The following NME7 variants were observed in gnomAD, a reference collection of about 807,000 sequenced individuals.
NME7 encodes NME/NM23 family member 7.
Under a neutral mutation model 49.1 loss-of-function variants are expected in NME7, and 41 were observed. The observed-to-expected ratio is 0.83, with a 90% CI of 0.65 to 1.08. NME7 has a LOEUF of 1.08. Ranked by LOEUF, NME7 falls within the 50% of genes least tolerant of loss-of-function variation. The probability of loss-of-function intolerance (pLI) is 0.00; values close to 1 mark genes in which losing one functional copy is unlikely to be tolerated. For synonymous variants in NME7, 139 were observed against 150.6 expected (o/e 0.92, Z 0.56); for missense variants, 423 against 463.4 (o/e 0.91, Z 0.80).
intron 7 of NME7, among the ~76,000 whole-genome samples, chr1:169,279,381 C>A (rs550214610): frequency 6.6e-6 from 1 of 152,226 alleles, no homozygotes; most frequent in South Asian, 2.1e-4. Flanking sequence ...CCTAAGCAAG[C>A]CTGGGCAATG....
intron 11 of NME7, among the ~76,000 whole-genome samples, chr1:169,167,333 C>A (rs986434623): frequency 2.2e-4 from 34 of 151,964 alleles, no homozygotes; most frequent in African/African-American, 7.7e-4. Flanking sequence ...TTTCTATGTA[C>A]AACTTCCAGG....
intron 10 of NME7, among the ~76,000 whole-genome samples, chr1:169,207,214 CCAGGCT>C (rs1660697405): frequency 1.3e-5 from 2 of 151,952 alleles, no homozygotes; most frequent in African/African-American, 4.8e-5. Context: ...GGGAACGATG[CCAGGCT>C]CTTTTTAACA....
chr1:169,356,311 G>T (rs936840232), intron 1 of NME7, among the ~76,000 whole-genome samples: 2 of 152,112 alleles, frequency 1.3e-5, no homozygotes, highest in African/African-American at 4.8e-5. Flanking sequence ...GCTTTTGTCA[G>T]GTGCTAAAGT....
chr1:169,278,534 C>A (rs1306202531), intron 7 of NME7, among the ~76,000 whole-genome samples: 1 of 152,288 alleles, frequency 6.6e-6, no homozygotes, highest in East Asian at 1.9e-4. Context: ...GCTTTCAGCT[C>A]CATCAGCTCC....
At chr1:169,189,474 T>C (rs1453520515) in intron 10 of NME7, among the ~76,000 whole-genome samples, 1 of 152,174 alleles carries the variant, frequency 6.6e-6, no homozygotes, top group Non-Finnish European at 1.5e-5. Flanking sequence ...AATTCATTTA[T>C]TTTAAAAATA....
chr1:169,133,352 C>T (rs756677533), intron 11 of NME7, among the ~76,000 whole-genome samples: 6 of 152,180 alleles, frequency 3.9e-5, no homozygotes, highest in African/African-American at 7.2e-5. Flanking sequence ...ATTTCTGAAA[C>T]GGAAACCTTT....
rs1658411419 is a variant in NME7 at position 169,135,823 on chromosome 1, AT to A, written c.1099-3007del. Among the ~76,000 whole-genome samples the A allele has an allele frequency of 2.0e-5, 3 of 152,198 alleles. No homozygotes were observed. The South Asian group carries it at 6.2e-4, about 32-fold the overall frequency. On this transcript the variant is annotated intron_variant, in intron 11 of 11. Coordinates refer to ENST00000367811, the MANE Select transcript of NME7 (RefSeq NM_013330.5). ...TTTCAGCATCAGTCCTTTCTGAGGG[AT>A]TAAGTATCTTACTAAGGTGTTGACT...
chr1:169,298,041 T>C (rs1650778167), intron 6 of NME7, among the ~76,000 whole-genome samples: 1 of 152,172 alleles, frequency 6.6e-6, no homozygotes, highest in South Asian at 2.1e-4. Flanking sequence ...AAAATAAACT[T>C]ACACTTCTTT....
chr1:169,313,895 G>A (rs112886275), intron 3 of NME7, among the ~76,000 whole-genome samples: 1 of 152,042 alleles, frequency 6.6e-6, no homozygotes, highest in African/African-American at 2.4e-5. Context: ...ATCTGAAAAA[G>A]AATATATTAG....
At chr1:169,166,904 G>A (rs1040272125) in intron 11 of NME7, among the ~76,000 whole-genome samples, 2 of 152,136 alleles carry the variant, frequency 1.3e-5, no homozygotes, top group Admixed American at 1.3e-4. Flanking sequence ...CTCAGGAGGC[G>A]GAGGTTGCAG....
At chr1:169,280,488 T>C (rs1429794051) in intron 7 of NME7, among the ~76,000 whole-genome samples, 1 of 149,356 alleles carries the variant, frequency 6.7e-6, no homozygotes, top group Non-Finnish European at 1.5e-5. Flanking sequence ...ATTATGGCTT[T>C]TGTTGCCATT....
At chr1:169,231,197 G>T (rs1647599447) in intron 9 of NME7, among the ~76,000 whole-genome samples, 1 of 152,086 alleles carries the variant, frequency 6.6e-6, no homozygotes, top group African/African-American at 2.4e-5. Context: ...AAATCATAAT[G>T]CATTCTAGCA....
intron 7 of NME7, among the ~76,000 whole-genome samples, chr1:169,268,561 T>C (rs1472008201): frequency 7.5e-6 from 1 of 133,048 alleles, no homozygotes; most frequent in African/African-American, 2.5e-5. Flanking sequence ...GTAGACTGGA[T>C]AAAGAAAACA....
chr1:169,297,610 G>A (rs1048528092), intron 6 of NME7, among the ~76,000 whole-genome samples: 19 of 152,136 alleles, frequency 1.2e-4, no homozygotes, highest in Non-Finnish European at 2.6e-4. Context: ...GATACAGTTA[G>A]AGATAGATAT....
intron 1 of NME7, among the ~76,000 whole-genome samples, chr1:169,336,614 A>G (rs1652485619): frequency 1.3e-5 from 2 of 152,006 alleles, no homozygotes; most frequent in Admixed American, 6.5e-5. Context: ...CAGGGTGCTG[A>G]TTGGTGTGTT....
At chr1:169,264,625 G>A (rs1649261902) in intron 7 of NME7, among the ~76,000 whole-genome samples, 1 of 132,798 alleles carries the variant, frequency 7.5e-6, no homozygotes, top group East Asian at 2.0e-4. Context: ...CAAGTTCTTA[G>A]AGACCTATGA....
intron 10 of NME7, among the ~76,000 whole-genome samples, chr1:169,226,924 G>A (rs199706024): frequency 1.3e-5 from 2 of 152,190 alleles, no homozygotes; most frequent in East Asian, 3.9e-4. Flanking sequence ...ACACAGTAGA[G>A]TAATGCCATC....
At position 169,323,285 on chromosome 1, in the gene NME7, T is replaced by C; in HGVS notation, c.112-2A>G. On this transcript the variant is annotated splice_acceptor_variant, in intron 2 of 11. Transcript: ENST00000367811. LOFTEE classifies it high-confidence loss of function. ...GGTGCGATGATTCTTTACATCATGC[T>C]AGAACCAGACACAACAATATAACAA... The C allele has an allele frequency of 1.3e-6, 2 of 1,583,448 alleles. No homozygotes were observed. Among genetic ancestry groups the C allele is most frequent in the South Asian group, 1.2e-5 (1 of 83,934 alleles).
chr1:169,133,045 C>T lies in NME7; in HGVS notation c.1099-228G>A, dbSNP rs1395753174. Among the ~76,000 whole-genome samples the T allele has an allele frequency of 2.0e-5, 3 of 152,036 alleles. No individual in the cohort carries two copies. The East Asian group carries it at 5.8e-4, about 29-fold the overall frequency. On this transcript the variant is annotated intron_variant, in intron 11 of 11. Coordinates refer to ENST00000367811, the MANE Select transcript of NME7 (RefSeq NM_013330.5). The stretch of plus-strand genomic sequence containing the variant: ...CTGCTACTTCACTCAGTTTAGAAAA[C>T]ATGAAGTGTTGGTTCCTGCTATTGC...
Sources: allele counts gnomAD v4.1 joint callset (sites outside exome capture counted in the v4.1 genomes callset), GRCh38; gene constraint gnomAD v4.1.1; transcripts MANE v1.5; gene names NCBI Gene and HGNC (gene_info 2026-07-23, HGNC 2026-07-21).